Variants in ADGRL3 observed in about 807,000 individuals in gnomAD.
ADGRL3 encodes calcium-independent alpha-latrotoxin receptor 3.
In ADGRL3, 62 loss-of-function variants were observed where a neutral mutation model predicts 153.5. That is an observed-to-expected ratio of 0.40 (90% CI 0.33 to 0.50). The LOEUF (loss-of-function observed/expected upper bound fraction) is 0.50, where lower values mean the gene tolerates loss of function less well. Among genes scored for constraint, ADGRL3 ranks in the 20% least tolerant of loss-of-function variants. ADGRL3 has a pLI of 0.47. For synonymous variants in ADGRL3, 710 were observed against 672.5 expected (o/e 1.06, Z -0.86); for missense variants, 1,641 against 1,859.4 (o/e 0.88, Z 2.16).
chr4:62,076,875 T>C lies in ADGRL3; in HGVS notation c.*5967T>C, dbSNP rs1314752386. On this transcript the variant is annotated 3_prime_UTR_variant, in exon 27 of 27. Transcript: ENST00000683033. ...CTTTTAAAGCTCTATTATGAATCTT[T>C]CTAATACATATGAAATTAATATTAT... The C allele has an allele frequency of 6.6e-6, 1 of 151,614 alleles. No homozygotes were observed. The highest frequency in any genetic ancestry group is 1.5e-5 in the Non-Finnish European group (1 of 67,794). The allele number at this position is 151,614 out of a possible 1,614,324, so 9.4% of individuals were successfully genotyped here. A position where few individuals can be genotyped will look rare whatever the true frequency, so the allele number is the denominator to read the frequency against.
chr4:61,707,785 C>A (rs917097829), intron 6 of ADGRL3, among the ~76,000 whole-genome samples: 3 of 152,092 alleles, frequency 2.0e-5, no homozygotes. Context: ...CATGCTTCCA[C>A]GATATGTAAG....
At chr4:61,232,643 A>G (rs1751200965) in intron 1 of ADGRL3, among the ~76,000 whole-genome samples, 1 of 151,994 alleles carries the variant, frequency 6.6e-6, no homozygotes, top group Admixed American at 6.6e-5. Context: ...AAGCTTACTC[A>G]TTTTTAAAGT....
chr4:61,530,758 C>T (rs2152954628), intron 4 of ADGRL3, among the ~76,000 whole-genome samples: 1 of 152,244 alleles, frequency 6.6e-6, no homozygotes, highest in Admixed American at 6.5e-5. Context: ...CTTCCTCACT[C>T]TTATAGGTAT....
intron 6 of ADGRL3, among the ~76,000 whole-genome samples, chr4:61,699,947 T>TACAC (rs563339719): frequency 1.8e-3 from 260 of 143,716 alleles, no homozygotes; most frequent in Admixed American, 4.4e-3. Flanking sequence ...AACAAGGAGA[T>TACAC]ACACACACAC....
intron 23 of ADGRL3, among the ~76,000 whole-genome samples, chr4:62,033,475 C>A (rs926422624): frequency 3.3e-5 from 5 of 151,542 alleles, no homozygotes; most frequent in African/African-American, 1.2e-4. Flanking sequence ...AGATGATACA[C>A]TGAATTAAAG....
chr4:61,846,727 T>C (rs990316460), intron 9 of ADGRL3, among the ~76,000 whole-genome samples: 7 of 151,818 alleles, frequency 4.6e-5, no homozygotes, highest in African/African-American at 1.7e-4. Context: ...GGAAACATGG[T>C]GCTGGCATCT....
At chr4:61,628,104 A>G (rs2092942166) in intron 5 of ADGRL3, among the ~76,000 whole-genome samples, 1 of 152,192 alleles carries the variant, frequency 6.6e-6, no homozygotes. Flanking sequence ...TACTTACATA[A>G]CATGGTTATG....
chr4:61,651,577 A>T (rs2133008), intron 5 of ADGRL3, among the ~76,000 whole-genome samples: 8 of 152,114 alleles, frequency 5.3e-5, no homozygotes, highest in Non-Finnish European at 1.0e-4. Context: ...AAATAAATAA[A>T]TTTTTTTTGT....
intron 2 of ADGRL3, among the ~76,000 whole-genome samples, chr4:61,392,989 T>C (rs781481237): frequency 6.6e-6 from 1 of 152,134 alleles, no homozygotes; most frequent in Non-Finnish European, 1.5e-5. Context: ...CGCTGAGTTA[T>C]ACACAATTTT....
intron 17 of ADGRL3, among the ~76,000 whole-genome samples, chr4:61,972,132 C>A (rs184117656): frequency 0.046 from 7,035 of 151,966 alleles, 210 homozygotes; most frequent in Non-Finnish European, 0.069. Flanking sequence ...ATGATAGTTT[C>A]TTTTGCTGTG....
intron 25 of ADGRL3, among the ~76,000 whole-genome samples, chr4:62,048,243 T>C (rs1249540573): frequency 6.6e-6 from 1 of 151,838 alleles, no homozygotes; most frequent in East Asian, 1.9e-4. Flanking sequence ...ATCTATTTAT[T>C]TACTTTTATT....
intron 2 of ADGRL3, among the ~76,000 whole-genome samples, chr4:61,490,572 T>C (rs2098247527): frequency 6.6e-6 from 1 of 152,110 alleles, no homozygotes; most frequent in South Asian, 2.1e-4. Context: ...CCAAAGGGTG[T>C]TAGCACTATT....
At chr4:61,678,002 CTT>C (rs2095249198) in intron 6 of ADGRL3, among the ~76,000 whole-genome samples, 1 of 152,046 alleles carries the variant, frequency 6.6e-6, no homozygotes, top group South Asian at 2.1e-4. Context: ...GAAAGTTTAT[CTT>C]GTGAAGTTTT....
chr4:61,968,501 T>C lies in ADGRL3; in HGVS notation c.2806-11062T>C, dbSNP rs188552511. The stretch of plus-strand genomic sequence containing the variant: ...AGAAACATTCCTTTTGCTCCATGCT[T>C]TGAAAATATAATTTTACAGAAGGCC... On this transcript the variant is annotated intron_variant, in intron 17 of 26. Transcript: ENST00000683033. Among the ~76,000 whole-genome samples the C allele has an allele frequency of 5.3e-4, 81 of 152,310 alleles. 1 individual carries two copies. The East Asian group carries it at 0.01, about 19-fold the overall frequency.
chr4:61,335,773 A>G (rs2095662370), intron 1 of ADGRL3, among the ~76,000 whole-genome samples: 3 of 152,216 alleles, frequency 2.0e-5, no homozygotes, highest in Admixed American at 2.0e-4. Context: ...TATGTGTGTG[A>G]AAAGAGCTGC....
intron 17 of ADGRL3, among the ~76,000 whole-genome samples, chr4:61,978,267 A>G (rs1332401127): frequency 2.6e-5 from 4 of 152,064 alleles, no homozygotes; most frequent in Non-Finnish European, 4.4e-5. Flanking sequence ...AATCAATGTC[A>G]TTGATTTTCA....
At chr4:61,377,389 A>C (rs1435852409) in intron 1 of ADGRL3, among the ~76,000 whole-genome samples, 1 of 152,098 alleles carries the variant, frequency 6.6e-6, no homozygotes, top group East Asian at 1.9e-4. Context: ...AGGTTTGAGG[A>C]TCATTCTCTG....
chr4:62,061,266 C>T lies in ADGRL3; in HGVS notation c.3815-6900C>T, dbSNP rs563489004. Among the ~76,000 whole-genome samples, 5 of 151,746 alleles carry T rather than the reference C, an allele frequency of 3.3e-5. No homozygotes were observed. In the South Asian group the frequency reaches 1.0e-3, roughly 32 times the overall value. Reference sequence around the variant, plus strand: ...GAGATTACAAGTGTGAGCCACTGTGCCCTGCCTAGATTACTTTTCGTTTTG... The same window carrying T: ...GAGATTACAAGTGTGAGCCACTGTGTCCTGCCTAGATTACTTTTCGTTTTG... On this transcript the variant is annotated intron_variant, in intron 25 of 26. Coordinates refer to ENST00000683033, the MANE Select transcript of ADGRL3 (RefSeq NM_001387552.1).
chr4:61,388,091 C>T (rs934246281), intron 2 of ADGRL3, among the ~76,000 whole-genome samples: 1 of 152,146 alleles, frequency 6.6e-6, no homozygotes, highest in Non-Finnish European at 1.5e-5. Flanking sequence ...CCCTCTCCCA[C>T]TATCAGCTCT....
Sources: allele counts gnomAD v4.1 joint callset (sites outside exome capture counted in the v4.1 genomes callset), GRCh38; gene constraint gnomAD v4.1.1; transcripts MANE v1.5; gene names NCBI Gene and HGNC (gene_info 2026-07-23, HGNC 2026-07-21).